Variants in STXBP6 observed in about 807,000 individuals in gnomAD.
The protein encoded by STXBP6 is syntaxin binding protein 6, also known as syntaxin-binding protein 6.
Under a neutral mutation model 26.9 loss-of-function variants are expected in STXBP6, and 21 were observed. That is an observed-to-expected ratio of 0.78 (90% confidence interval 0.55 to 1.12). STXBP6 has a LOEUF of 1.12. STXBP6 is among the 50% of genes most tolerant of loss of function. STXBP6 has a pLI of 0.00. For missense variants in STXBP6, 232 were observed against 257.9 expected, an observed-to-expected ratio of 0.90 and a Z score of 0.69; for synonymous variants, 97 against 92.6, an observed-to-expected ratio of 1.05 and a Z score of -0.27.
chr14:25,029,490 T>C (rs1196132455), intron 1 of STXBP6, among the ~76,000 whole-genome samples: 1 of 152,220 alleles, frequency 6.6e-6, no homozygotes, highest in Non-Finnish European at 1.5e-5. Flanking sequence ...TTCAGTATAG[T>C]GTAAACATAA....
chr14:25,013,455 A>G (rs1290967794), intron 1 of STXBP6, among the ~76,000 whole-genome samples: 3 of 142,754 alleles, frequency 2.1e-5, no homozygotes, highest in Admixed American at 7.0e-5. Flanking sequence ...TTGGCTATCA[A>G]CATCTCTCTT....
intron 2 of STXBP6, among the ~76,000 whole-genome samples, chr14:24,859,358 T>C (rs1449902553): frequency 6.6e-6 from 1 of 152,144 alleles, no homozygotes; most frequent in Non-Finnish European, 1.5e-5. Context: ...TTATTGTTAT[T>C]ATCTCCAGCA....
At chr14:24,990,641 G>A (rs2074442944) in intron 1 of STXBP6, among the ~76,000 whole-genome samples, 5 of 123,552 alleles carry the variant, frequency 4.0e-5, no homozygotes, top group Non-Finnish European at 8.0e-5. Context: ...CTGGACATGA[G>A]TGAATGAAAC....
intron 2 of STXBP6, among the ~76,000 whole-genome samples, chr14:24,928,014 A>G (rs1046671587): frequency 2.0e-5 from 3 of 152,170 alleles, no homozygotes; most frequent in African/African-American, 7.2e-5. Context: ...GGAAGGGATG[A>G]GGAGAAAATA....
chr14:25,049,716 C>G lies in STXBP6; in HGVS notation c.-33+162G>C. 4.1e-6 allele frequency: 4 copies of G among 985,686 alleles called. No individual in the cohort carries two copies. Among genetic ancestry groups the G allele is most frequent in the Non-Finnish European group, 4.8e-6 (4 of 830,170 alleles). The allele number at this position is 985,686 out of a possible 1,614,324, so 61.1% of individuals were successfully genotyped here. On this transcript the variant is annotated intron_variant, in intron 1 of 5. Coordinates refer to ENST00000323944, the MANE Select transcript of STXBP6 (RefSeq NM_001394410.1). The surrounding 1 kb of genome is among the most constrained non-coding windows in gnomAD (Gnocchi z 5.6). ...CGCGGCCCCCTCTCCCGCCACCCGCCAACTTGGAAGAATCTCTCTGGGAGC... is the reference window on the plus strand; with the variant it reads ...CGCGGCCCCCTCTCCCGCCACCCGCGAACTTGGAAGAATCTCTCTGGGAGC...
chr14:24,827,737 C>G (rs749233452), intron 4 of STXBP6, among the ~76,000 whole-genome samples: 1 of 152,166 alleles, frequency 6.6e-6, no homozygotes, highest in Non-Finnish European at 1.5e-5. Flanking sequence ...CCTGATCATG[C>G]CACTTTCTCA....
chr14:24,979,567 T>G (rs1408978100), intron 1 of STXBP6, among the ~76,000 whole-genome samples: 1 of 152,192 alleles, frequency 6.6e-6, no homozygotes, highest in African/African-American at 2.4e-5. Flanking sequence ...TTCTACAAAT[T>G]CAATTTTAAG....
chr14:24,850,849 G>A (rs1367036392), intron 4 of STXBP6, among the ~76,000 whole-genome samples: 2 of 152,036 alleles, frequency 1.3e-5, no homozygotes, highest in Admixed American at 6.6e-5. Context: ...TAGGGTATTC[G>A]GGCTCAGAGT....
intron 1 of STXBP6, among the ~76,000 whole-genome samples, chr14:25,033,847 C>T (rs930653953): frequency 6.6e-6 from 1 of 152,210 alleles, no homozygotes; most frequent in Non-Finnish European, 1.5e-5. Context: ...ATCGGTTACA[C>T]ACGTAGACTC....
intron 2 of STXBP6, among the ~76,000 whole-genome samples, chr14:24,868,174 G>A (rs1372744499): frequency 6.6e-6 from 1 of 152,126 alleles, no homozygotes; most frequent in Non-Finnish European, 1.5e-5. Context: ...ACTCCAGCTT[G>A]GAAGACAGAG....
intron 2 of STXBP6, among the ~76,000 whole-genome samples, chr14:24,909,742 G>A (rs1047684518): frequency 2.0e-5 from 3 of 150,282 alleles, no homozygotes; most frequent in African/African-American, 7.3e-5. Flanking sequence ...TTTTTTGACA[G>A]TCTTGCTCTG....
chr14:24,922,668 T>G (rs79124682), intron 2 of STXBP6, among the ~76,000 whole-genome samples: 152 of 152,222 alleles, frequency 1.0e-3, no homozygotes, highest in African/African-American at 3.4e-3. Context: ...ATCCTTCTAC[T>G]TGGTGACCTT....
Position 25,047,218 on chromosome 14 carries a change from T to C in STXBP6, c.-33+2660A>G, listed in dbSNP as rs576660131. ...TTTTAGATTTTATAAATTATAAAGGTCACCAATCCGGCACTACCCAAGGGT... is the reference window on the plus strand; with the variant it reads ...TTTTAGATTTTATAAATTATAAAGGCCACCAATCCGGCACTACCCAAGGGT... On this transcript the variant is annotated intron_variant, in intron 1 of 5. Transcript: ENST00000323944. 7.9e-5 allele frequency among the ~76,000 whole-genome samples: 12 copies of C among 152,260 alleles called. No individual in the cohort carries two copies. The East Asian group carries it at 2.3e-3, about 29-fold the overall frequency.
chr14:25,026,692 G>T (rs916183360), intron 1 of STXBP6, among the ~76,000 whole-genome samples: 1 of 152,096 alleles, frequency 6.6e-6, no homozygotes, highest in Admixed American at 6.6e-5. Flanking sequence ...CCCTTTTCTT[G>T]TTTGCTCAGA....
In STXBP6 at chr14:25,049,304, G is replaced by A. The variant is rs146071955; in HGVS notation, c.-33+574C>T. ...ACCTGGCGCCCTTGACCAAGCCTGA[G>A]ATCGGAAAGGGGGCATCGCCCAGGG... On this transcript the variant is annotated intron_variant, in intron 1 of 5. Coordinates refer to ENST00000323944, the MANE Select transcript of STXBP6 (RefSeq NM_001394410.1). The surrounding 1 kb of genome is among the most constrained non-coding windows in gnomAD (Gnocchi z 5.6). 1.7e-3 allele frequency: 1,649 copies of A among 985,474 alleles called. 6 individuals carry two copies. The highest frequency in any genetic ancestry group is 0.01 in the South Asian group (215 of 21,284). The allele number at this position is 985,474 out of a possible 1,614,324, so 61.0% of individuals were successfully genotyped here.
At chr14:24,907,399 CAAAGAGCATTA>C (rs1333789969) in intron 2 of STXBP6, among the ~76,000 whole-genome samples, 14 of 151,930 alleles carry the variant, frequency 9.2e-5, no homozygotes, top group Middle Eastern at 3.2e-3. Flanking sequence ...ATGTACAGTG[CAAAGAGCATTA>C]AAAGAGCATT....
intron 2 of STXBP6, among the ~76,000 whole-genome samples, chr14:24,879,212 T>C (rs2070261324): frequency 6.6e-6 from 1 of 152,310 alleles, no homozygotes; most frequent in Non-Finnish European, 1.5e-5. Context: ...AAATATTACA[T>C]AGAAAATAAT....
At chr14:24,986,783 T>C (rs968752006) in intron 1 of STXBP6, among the ~76,000 whole-genome samples, 1 of 152,188 alleles carries the variant, frequency 6.6e-6, no homozygotes, top group Non-Finnish European at 1.5e-5. Flanking sequence ...TCTTTACAGG[T>C]TCACTTAAGC....
chr14:24,819,297 G>A lies in STXBP6; in HGVS notation c.452-103C>T, dbSNP rs777335976. ...CTGTAAGAGGAAGGCAGGTCACACT[G>A]CAGAAAGGCCGCTCGTCTAGTGTCT... On this transcript the variant is annotated intron_variant, in intron 4 of 5. Transcript: ENST00000323944. The A allele has an allele frequency of 7.4e-6, 10 of 1,351,084 alleles. No individual in the cohort carries two copies. The African/African-American group carries it at 1.4e-4, about 19-fold the overall frequency. The allele number at this position is 1,351,084 out of a possible 1,614,324, so 83.7% of individuals were successfully genotyped here. A position where few individuals can be genotyped will look rare whatever the true frequency, so the allele number is the denominator to read the frequency against.
Sources: gnomAD v4.1 joint callset for allele counts (sites outside exome capture counted in the v4.1 genomes callset) on GRCh38, gnomAD v4.1.1 for gene constraint, Gnocchi (gnomAD v3.1) non-coding constraint, MANE v1.5 for transcripts, NCBI Gene and HGNC (gene_info 2026-07-23, HGNC 2026-07-21) for gene names.